ROBO1: variants seen among roughly 807,000 people sequenced by gnomAD.
ROBO1 encodes roundabout homolog 1.
Under a neutral mutation model 195.9 loss-of-function variants are expected in ROBO1, and 149 were observed. The ratio of observed to expected loss-of-function variants is 0.76; its 90% confidence interval spans 0.67 to 0.87. The LOEUF is 0.87. Among genes scored for constraint, ROBO1 ranks in the 40% least tolerant of loss-of-function variants. The pLI is 0.00. For synonymous variants in ROBO1, 816 were observed against 733.2 expected (o/e 1.11, Z -1.82); for missense variants, 1,933 against 2,068.3 (o/e 0.93, Z 1.27).
rs549662494 is a variant in ROBO1 at position 79,754,515 on chromosome 3, G to C, written c.-51+13237C>G. ...GAATGCCAAAGTGAATGAAGACAAG[G>C]TTATAGGAACCAATGAGAAGAAGAT... is the stretch of plus-strand genomic sequence containing the variant. On this transcript the variant is annotated intron_variant, in intron 1 of 30. Transcript: ENST00000464233. Among the ~76,000 whole-genome samples, 4 of 152,268 alleles carry C rather than the reference G, an allele frequency of 2.6e-5. No individual in the cohort carries two copies. In the South Asian group the frequency reaches 6.2e-4, roughly 24 times the overall value.
chr3:78,659,918 C>CTTTTTTTTTT (rs76880412), intron 16 of ROBO1, 111 bp from the exon 17 acceptor site: 1 of 371,920 alleles, frequency 2.7e-6, no homozygotes, highest in Non-Finnish European at 4.1e-6. Context: ...TCAATATATG[C>CTTTTTTTTTT]TTTTTTTTTT....
intron 1 of ROBO1, among the ~76,000 whole-genome samples, chr3:79,680,775 A>G (rs1244298524): frequency 6.6e-6 from 1 of 152,044 alleles, no homozygotes; most frequent in Non-Finnish European, 1.5e-5. Context: ...CAACCTAGAT[A>G]AAGCAGTAAG....
intron 2 of ROBO1, among the ~76,000 whole-genome samples, chr3:79,569,503 T>C (rs1017245538): frequency 6.6e-6 from 1 of 152,136 alleles, no homozygotes; most frequent in Non-Finnish European, 1.5e-5. Context: ...CAAGTTTCAA[T>C]GTTTTCATGT....
At chr3:79,273,151 T>C (rs2108977806) in intron 2 of ROBO1, among the ~76,000 whole-genome samples, 1 of 152,168 alleles carries the variant, frequency 6.6e-6, no homozygotes, top group Non-Finnish European at 1.5e-5. Flanking sequence ...TAATGAGCAC[T>C]AAGAAATCAT....
At chr3:79,494,377 A>T (rs187094346) in intron 2 of ROBO1, among the ~76,000 whole-genome samples, 41 of 152,310 alleles carry the variant, frequency 2.7e-4, no homozygotes, top group African/African-American at 8.7e-4. Context: ...TCTTTAGATA[A>T]TTTTCCTTAA....
intron 2 of ROBO1, among the ~76,000 whole-genome samples, chr3:79,140,124 A>G (rs2080494568): frequency 6.6e-6 from 1 of 152,102 alleles, no homozygotes; most frequent in African/African-American, 2.4e-5. Context: ...GTAAAAACTG[A>G]GATCTCCTTA....
intron 2 of ROBO1, among the ~76,000 whole-genome samples, chr3:79,322,723 T>C (rs563138898): frequency 6.6e-6 from 1 of 152,344 alleles, no homozygotes; most frequent in South Asian, 2.1e-4. Flanking sequence ...TGTATATTTT[T>C]TTCTATTCAC....
intron 3 of ROBO1, among the ~76,000 whole-genome samples, chr3:78,972,189 A>G (rs1316685703): frequency 3.5e-4 from 53 of 152,224 alleles, no homozygotes; most frequent in Admixed American, 3.5e-3. Flanking sequence ...CCACAGTGTA[A>G]TTTTATAAAT....
rs968209352 is a variant in ROBO1, at chr3:78,607,355, G to C, written c.4436-314C>G. The C allele has an allele frequency of 4.6e-5, 12 of 262,274 alleles. No homozygotes were observed. The East Asian group carries it at 9.1e-4, about 20-fold the overall frequency. 16.2% of individuals were successfully genotyped at this position (262,274 alleles called of 1,614,324 possible). The stretch of plus-strand genomic sequence containing the variant: ...AGCCTCCCGAGTAGCTAGGACTATA[G>C]GCATGCACCACCACACCTGGCTACG... On this transcript the variant is annotated intron_variant, in intron 28 of 30. Coordinates refer to ENST00000464233, the MANE Select transcript of ROBO1 (RefSeq NM_002941.4).
intron 2 of ROBO1, among the ~76,000 whole-genome samples, chr3:79,387,613 T>C (rs2106676735): frequency 6.6e-6 from 1 of 152,126 alleles, no homozygotes; most frequent in Non-Finnish European, 1.5e-5. Context: ...CTTTTGTATA[T>C]CTATTACCAT....
At chr3:79,581,616 A>G (rs946808496) in intron 2 of ROBO1, among the ~76,000 whole-genome samples, 15 of 152,292 alleles carry the variant, frequency 9.8e-5, no homozygotes, top group Admixed American at 5.9e-4. Flanking sequence ...GATAGTCTCT[A>G]GAAAGCAACT....
intron 4 of ROBO1, among the ~76,000 whole-genome samples, chr3:78,935,219 T>C (rs922294274): frequency 6.6e-6 from 1 of 152,038 alleles, no homozygotes; most frequent in Non-Finnish European, 1.5e-5. Flanking sequence ...ATATACACTT[T>C]TAGGAAAAAT....
chr3:79,115,211 G>A lies in ROBO1; in HGVS notation c.172+10245C>T, dbSNP rs182370854. Among the ~76,000 whole-genome samples, 37 of 152,132 alleles carry A rather than the reference G, an allele frequency of 2.4e-4. 1 individual carries two copies. The highest frequency in any genetic ancestry group is 8.5e-4 in the Admixed American group (13 of 15,264). On this transcript the variant is annotated intron_variant, in intron 3 of 30. Coordinates refer to ENST00000464233, the MANE Select transcript of ROBO1 (RefSeq NM_002941.4). ...TCTATCATCAAGTGGAGTTAGCATC[G>A]GCAAAGCTCAAGTAGTTACTAAGAA...
At chr3:79,483,116 G>A (rs1938956561) in intron 2 of ROBO1, among the ~76,000 whole-genome samples, 1 of 152,134 alleles carries the variant, frequency 6.6e-6, no homozygotes, top group Non-Finnish European at 1.5e-5. Context: ...CACTTTGTTT[G>A]AACCAATATT....
At chr3:79,070,589 C>A (rs555313306) in intron 3 of ROBO1, among the ~76,000 whole-genome samples, 1 of 151,622 alleles carries the variant, frequency 6.6e-6, no homozygotes, top group East Asian at 1.9e-4. Context: ...GTTGTCAGTC[C>A]TTTGTGGATA....
At chr3:79,300,187 C>G (rs2032834449) in intron 2 of ROBO1, among the ~76,000 whole-genome samples, 1 of 152,166 alleles carries the variant, frequency 6.6e-6, no homozygotes, top group African/African-American at 2.4e-5. Context: ...CAAGGCCGAG[C>G]CGGCTCCCTC....
intron 2 of ROBO1, among the ~76,000 whole-genome samples, chr3:79,257,785 C>T (rs2082865183): frequency 6.6e-6 from 1 of 152,054 alleles, no homozygotes; most frequent in Non-Finnish European, 1.5e-5. Flanking sequence ...CTTTTTGCTA[C>T]ACCATAATAC....
In ROBO1 at chr3:78,868,852, G is replaced by T. The variant is rs148861304; in HGVS notation, c.499+69749C>A. On this transcript the variant is annotated intron_variant, in intron 4 of 30. Transcript: ENST00000464233. Reference sequence around the variant, plus strand: ...CAATGGGTATGTAGATGTCAAAAAGGCAATATTCCCCTTTAAATATGTAAC... The same window carrying T: ...CAATGGGTATGTAGATGTCAAAAAGTCAATATTCCCCTTTAAATATGTAAC... Among the ~76,000 whole-genome samples the T allele has an allele frequency of 1.1e-4, 17 of 152,202 alleles. No homozygotes were observed. In the East Asian group the frequency reaches 3.3e-3, roughly 29 times the overall value.
intron 3 of ROBO1, among the ~76,000 whole-genome samples, chr3:79,108,371 A>G (rs1381749793): frequency 6.6e-6 from 1 of 151,646 alleles, no homozygotes; most frequent in Non-Finnish European, 1.5e-5. Context: ...AAGATAAATA[A>G]AAAAAAACTA....
Sources: gnomAD v4.1 joint callset for allele counts (sites outside exome capture counted in the v4.1 genomes callset) on GRCh38, gnomAD v4.1.1 for gene constraint, MANE v1.5 for transcripts, NCBI Gene and HGNC (gene_info 2026-07-23, HGNC 2026-07-21) for gene names.